The following ERC2 variants were observed in gnomAD, a reference collection of about 807,000 sequenced individuals.
ERC2 encodes the protein ERC protein 2.
Under a neutral mutation model 114.8 loss-of-function variants are expected in ERC2, and 42 were observed. That is an observed-to-expected ratio of 0.37 (90% CI 0.29 to 0.47). ERC2 has a LOEUF of 0.47. ERC2 is among the 20% of genes least tolerant of loss of function. ERC2 has a pLI of 0.99. For synonymous variants in ERC2, 454 were observed against 425.5 expected, an observed-to-expected ratio of 1.07 and a Z score of -0.82; for missense variants, 939 against 1,150.7, an observed-to-expected ratio of 0.82 and a Z score of 2.66.
At chr3:56,248,848 T>G (rs1216840510) in intron 3 of ERC2, among the ~76,000 whole-genome samples, 1 of 152,244 alleles carries the variant, frequency 6.6e-6, no homozygotes, top group Non-Finnish European at 1.5e-5. Flanking sequence ...CACACAACTG[T>G]ATGTATGCAA....
chr3:55,888,529 T>G lies in ERC2; in HGVS notation c.2424A>C (p.Ala808=), dbSNP rs1211101116. The change falls in exon 14 of 18, where the codon GCA becomes GCC. Residue 808 remains alanine (A), a synonymous_variant. Coordinates refer to ENST00000288221, the MANE Select transcript of ERC2 (RefSeq NM_015576.3). The stretch of plus-strand genomic sequence containing the variant: ...CCAGTTCCTGTCTGGTCTTCTCCAG[T>G]GCATTCATCAGTTCCTCTATCTGAA... ...QHLQIEELMN[A]LEKTRQELDA... is the part of the protein sequence containing the mutation. The G allele has an allele frequency of 3.1e-6, 5 of 1,613,748 alleles. No homozygotes were observed. Among genetic ancestry groups the G allele is most frequent in the South Asian group, 2.2e-5 (2 of 91,078 alleles).
chr3:56,325,482 G>A (rs2057319716), intron 2 of ERC2, among the ~76,000 whole-genome samples: 1 of 151,864 alleles, frequency 6.6e-6, no homozygotes, highest in African/African-American at 2.4e-5. Context: ...ACCCAATGCT[G>A]GTGACAATGC....
intron 6 of ERC2, among the ~76,000 whole-genome samples, chr3:56,114,173 C>T (rs549390211): frequency 6.6e-6 from 1 of 152,160 alleles, no homozygotes; most frequent in Non-Finnish European, 1.5e-5. Context: ...AGCAAACATG[C>T]ACGTTACATA....
chr3:56,136,950 A>G (rs1330285926), intron 6 of ERC2, among the ~76,000 whole-genome samples: 1 of 152,230 alleles, frequency 6.6e-6, no homozygotes, highest in Non-Finnish European at 1.5e-5. Flanking sequence ...TTTCTACTTC[A>G]AAGCACCAAC....
At chr3:56,169,823 AC>A (rs1196492680) in intron 4 of ERC2, among the ~76,000 whole-genome samples, 1,842 of 85,100 alleles carry the variant, frequency 0.022, 14 homozygotes, top group Non-Finnish European at 0.045. Flanking sequence ...AAAAAAAAAA[AC>A]AAATGGCTTT....
intron 14 of ERC2, chr3:55,852,523 T>C (rs1170611241): frequency 6.6e-6 from 1 of 152,154 alleles, no homozygotes; most frequent in Non-Finnish European, 1.5e-5. Flanking sequence ...CACCGGGTTA[T>C]CTACAAGGGA....
chr3:55,913,748 C>T (rs189881747), intron 13 of ERC2, among the ~76,000 whole-genome samples: 1 of 152,236 alleles, frequency 6.6e-6, no homozygotes, highest in African/African-American at 2.4e-5. Context: ...TTAAACTCAC[C>T]ACCTCACCTC....
chr3:56,447,557 G>A (rs2062637032), intron 1 of ERC2, among the ~76,000 whole-genome samples: 1 of 151,834 alleles, frequency 6.6e-6, no homozygotes, highest in Non-Finnish European at 1.5e-5. Context: ...GGGAGCAAGG[G>A]TTGTTTATTT....
chr3:56,376,899 G>GTC (rs2059567207), intron 2 of ERC2, among the ~76,000 whole-genome samples: 2 of 152,144 alleles, frequency 1.3e-5, no homozygotes, highest in African/African-American at 4.8e-5. Flanking sequence ...ATACATGGGA[G>GTC]GCTATTTCTA....
intron 17 of ERC2, among the ~76,000 whole-genome samples, chr3:55,673,886 G>T (rs1051021644): frequency 1.3e-5 from 2 of 149,692 alleles, no homozygotes; most frequent in African/African-American, 4.9e-5. Flanking sequence ...AGGGATCAAG[G>T]TGCACAGAAA....
intron 17 of ERC2, among the ~76,000 whole-genome samples, chr3:55,626,910 A>G (rs2059543057): frequency 6.6e-6 from 1 of 152,224 alleles, no homozygotes; most frequent in African/African-American, 2.4e-5. Flanking sequence ...TACTCACTTC[A>G]CAGGACATTG....
intron 7 of ERC2, among the ~76,000 whole-genome samples, chr3:56,057,809 A>G (rs1411516739): frequency 6.6e-6 from 1 of 152,208 alleles, no homozygotes; most frequent in Non-Finnish European, 1.5e-5. Flanking sequence ...ATGAAAAATA[A>G]ATATAATTAA....
At chr3:56,075,146 T>TAAGA (rs1553804727) in intron 7 of ERC2, among the ~76,000 whole-genome samples, 18,808 of 150,886 alleles carry the variant, frequency 0.12, 1,319 homozygotes, top group South Asian at 0.23. Flanking sequence ...CTTCCCTGAG[T>TAAGA]GACATAAAAA....
chr3:55,872,739 T>C (rs1339052208), intron 14 of ERC2, among the ~76,000 whole-genome samples: 1 of 152,196 alleles, frequency 6.6e-6, no homozygotes, highest in Non-Finnish European at 1.5e-5. Context: ...CTAAGCTTTC[T>C]GAATCTACCT....
At position 55,907,697 on chromosome 3, in the gene ERC2, C is replaced by T. The variant is rs375481478; in HGVS notation, c.2404-19148G>A. ...GATGAAGGCTCAGATCCCTTCTCTG[C>T]CACTTACCAGCTGTGTGACCTTGAG... On this transcript the variant is annotated intron_variant, in intron 13 of 17. Transcript: ENST00000288221. Among the ~76,000 whole-genome samples, 25 of 152,270 alleles carry T rather than the reference C, an allele frequency of 1.6e-4. 1 individual carries two copies. The highest frequency in any genetic ancestry group is 5.5e-4 in the African/African-American group (23 of 41,550).
At chr3:56,125,061 T>G (rs975375557) in intron 6 of ERC2, among the ~76,000 whole-genome samples, 1 of 152,192 alleles carries the variant, frequency 6.6e-6, no homozygotes, top group Non-Finnish European at 1.5e-5. Context: ...GCTTCCTTCT[T>G]CTAGACTGGG....
At chr3:56,298,083 T>C (rs566897572) in intron 2 of ERC2, among the ~76,000 whole-genome samples, 93 of 152,342 alleles carry the variant, frequency 6.1e-4, no homozygotes, top group Non-Finnish European at 1.2e-3. Flanking sequence ...TGCTCCCCTA[T>C]AAAGTGTAAC....
intron 13 of ERC2, among the ~76,000 whole-genome samples, chr3:55,924,480 C>T (rs1490280269): frequency 6.6e-6 from 1 of 152,032 alleles, no homozygotes; most frequent in East Asian, 1.9e-4. Context: ...TCTGTAGGGG[C>T]CTTTTTACTC....
intron 3 of ERC2, among the ~76,000 whole-genome samples, chr3:56,201,664 C>T (rs1274576057): frequency 1.3e-5 from 2 of 152,204 alleles, no homozygotes; most frequent in East Asian, 3.8e-4. Flanking sequence ...TCAGTGGGTA[C>T]AACAGGCTAC....
Sources: gnomAD v4.1 joint callset for allele counts (sites outside exome capture counted in the v4.1 genomes callset) on GRCh38, gnomAD v4.1.1 for gene constraint, MANE v1.5 for transcripts, NCBI Gene and HGNC (gene_info 2026-07-23, HGNC 2026-07-21) for gene names.